The following TRIM48 variants were observed in gnomAD, a reference collection of about 807,000 sequenced individuals.
TRIM48 encodes the protein tripartite motif containing 48.
In TRIM48, 31 loss-of-function variants were observed where a neutral mutation model predicts 29.5. The ratio of observed to expected loss-of-function variants is 1.05; its 90% CI spans 0.79 to 1.42. The LOEUF (loss-of-function observed/expected upper bound fraction) is 1.42. Among genes scored for constraint, TRIM48 ranks in the 40% most tolerant of loss-of-function variants. TRIM48 has a pLI of 0.00. For synonymous variants in TRIM48, 128 were observed against 90.6 expected (o/e 1.41, Z -2.34); for missense variants, 344 against 265.0 (o/e 1.30, Z -2.07).
At chr11:55,264,542 T>C (rs557697304) in intron 1 of TRIM48, among the ~76,000 whole-genome samples, 1 of 147,696 alleles carries the variant, frequency 6.8e-6, no homozygotes, top group South Asian at 2.4e-4. Context: ...TTCACACTCA[T>C]TCGGCAGTCA....
intron 5 of TRIM48, 117 bp downstream of exon 5, chr11:55,269,456 C>G: frequency 7.6e-7 from 1 of 1,317,408 alleles, no homozygotes; most frequent in Admixed American, 2.2e-5. Context: ...CATAAGAGAA[C>G]AATATAATCA....
chr11:55,265,206 G>T lies in TRIM48; in HGVS notation c.351G>T (p.Lys117Asn). The T allele has an allele frequency of 6.3e-7, 1 of 1,582,818 alleles. No homozygotes were observed. Among genetic ancestry groups the T allele is most frequent in the Non-Finnish European group, 8.6e-7 (1 of 1,166,250 alleles). ...GTGGCATTCACAGGGAGACAAAGAA[G>T]ATGTTCTGTGAAGTGGACAGGAGCC... ...QMCGIHRETK[K>N]MFCEVDRSLL... Residue 117 changes from lysine to asparagine, a missense_variant, in exon 2 of 6, where the codon AAG (lysine) becomes AAT (asparagine). By Grantham distance (94) the Lys-to-Asn change is moderately conservative (BLOSUM62 0). Transcript: ENST00000417545.
Position 55,262,196 on chromosome 11 carries a change from T to G in TRIM48, c.-72T>G. On this transcript the variant is annotated 5_prime_UTR_variant, in exon 1 of 6. Transcript: ENST00000417545. ...GAAGGAGTGCACTTAGAGGGAGCTG[T>G]GTTTTGGTGACCTCTGAAACTCAGT... 1 of 1,190,156 alleles carries G rather than the reference T, an allele frequency of 8.4e-7. No individual in the cohort carries two copies. The highest frequency in any genetic ancestry group is 1.2e-6 in the Non-Finnish European group (1 of 819,072). The allele number at this position is 1,190,156 out of a possible 1,614,324, so 73.7% of individuals were successfully genotyped here. A position where few individuals can be genotyped will look rare whatever the true frequency, so the allele number is the denominator to read the frequency against.
In TRIM48 at chr11:55,262,253, G is replaced by A. The variant is rs1441003261; in HGVS notation, c.-15G>A. On this transcript the variant is annotated 5_prime_UTR_variant, in exon 1 of 6. Transcript: ENST00000417545. ...GCGAATGAGCTCCTGACCTTGAGGAGTACTTAACAGAATTATGTCTCGAAG... is the reference window on the plus strand; with the variant it reads ...GCGAATGAGCTCCTGACCTTGAGGAATACTTAACAGAATTATGTCTCGAAG... 1 of 1,548,322 alleles carries A rather than the reference G, an allele frequency of 6.5e-7. No homozygotes were observed. Among genetic ancestry groups the A allele is most frequent in the East Asian group, 2.4e-5 (1 of 40,876 alleles).
intron 1 of TRIM48, among the ~76,000 whole-genome samples, chr11:55,264,183 C>T (rs1381624872): frequency 8.0e-6 from 1 of 124,806 alleles, no homozygotes; most frequent in Non-Finnish European, 1.8e-5. Flanking sequence ...GTTTGGGTAT[C>T]CCTAGGAGAA....
rs777732998 is a variant in TRIM48 at position 55,265,313 on chromosome 11, G to A, written c.458G>A (p.Trp153Ter). 2 of 1,582,174 alleles carry A rather than the reference G, an allele frequency of 1.3e-6. No homozygotes were observed. The highest frequency in any genetic ancestry group is 4.8e-5 in the East Asian group (2 of 41,322). Residue 153 changes from tryptophan (W) to a stop codon, truncating the protein, a stop_gained and splice_region_variant, in exon 2 of 6, where the codon TGG (tryptophan) becomes TAG (stop). Transcript: ENST00000417545. LOFTEE classifies it high-confidence loss of function. ...CPAEWAAEEHWEKLLKKMQSL... is the reference protein window; with the variant it reads ...CPAEWAAEEH The stretch of plus-strand genomic sequence containing the variant: ...GCTGAGTGGGCTGCTGAGGAACACT[G>A]GGTAAGTGATGCCTCTGAAGATCTA...
rs775665691 is a variant in TRIM48 at position 55,270,840 on chromosome 11, C to T, written c.*405C>T. ...TGGATTGTGAAGCTAGAACTGTGAG[C>T]TTCGTTGATGTTAGTCAAAGCTCCC... On this transcript the variant is annotated 3_prime_UTR_variant, in exon 6 of 6. Coordinates refer to ENST00000417545, the MANE Select transcript of TRIM48 (RefSeq NM_024114.5). The T allele has an allele frequency of 1.3e-5, 21 of 1,572,208 alleles. 1 individual carries two copies. The highest frequency in any genetic ancestry group is 1.8e-5 in the Non-Finnish European group (21 of 1,156,422).
chr11:55,270,801 T>C lies in TRIM48; in HGVS notation c.*366T>C, dbSNP rs1237603949. ...AGTATGTCCCAAGACCTACCAACCA[T>C]GTAGAATTATTCCTGGATTGTGAAG... is the stretch of plus-strand genomic sequence containing the variant. On this transcript the variant is annotated 3_prime_UTR_variant, in exon 6 of 6. Coordinates refer to ENST00000417545, the MANE Select transcript of TRIM48 (RefSeq NM_024114.5). 6.5e-5 allele frequency: 103 copies of C among 1,575,134 alleles called. 10 individuals carry two copies. The highest frequency in any genetic ancestry group is 7.7e-5 in the Non-Finnish European group (89 of 1,158,416).
chr11:55,270,030 T>A (rs1309458813), intron 5 of TRIM48, among the ~76,000 whole-genome samples: 1 of 147,820 alleles, frequency 6.8e-6, no homozygotes, highest in Non-Finnish European at 1.5e-5. Context: ...TCTAGAGCAG[T>A]TCTTGAGTAA....
In TRIM48 at chr11:55,270,533, C is replaced by G; in HGVS notation, c.*98C>G. On this transcript the variant is annotated 3_prime_UTR_variant, in exon 6 of 6. Transcript: ENST00000417545. ...ATTGGATGTGACCGTCAAAATCCGC[C>G]CCATATCACTGCAACACCTACAAGT... 2 of 1,581,950 alleles carry G rather than the reference C, an allele frequency of 1.3e-6. No homozygotes were observed. Among genetic ancestry groups the G allele is most frequent in the Non-Finnish European group, 1.7e-6 (2 of 1,165,222 alleles).
chr11:55,269,213 A>G (rs1857438327), intron 4 of TRIM48, 29 bp from the exon 5 acceptor site: 5 of 1,566,726 alleles, frequency 3.2e-6, no homozygotes, highest in Non-Finnish European at 3.4e-6. Flanking sequence ...ATGGCTGTAG[A>G]TGTTGTAACT....
Position 55,269,336 on chromosome 11 carries a change from T to C in TRIM48, c.673T>C (p.Ter225ArgextTer167), listed in dbSNP as rs61894893. The change falls in exon 5 of 6, where the codon TGA (stop) becomes CGA (arginine). Residue 225 changes from the stop codon to arginine (R), a stop_lost. Transcript: ENST00000417545. ...TGLRDRLNQF* is the reference protein window; with the variant it reads ...TGLRDRLNQFR ...ACTGAGGGACAGGCTCAACCAATTC[T>C]GAGGTAAGTCTCCACCCACAGGCAG... 102,380 of 1,573,880 alleles carry C rather than the reference T, an allele frequency of 0.065. 12,903 individuals are homozygous for C. The highest frequency in any genetic ancestry group is 0.071 in the Non-Finnish European group (82,369 of 1,165,410).
Position 55,264,311 on chromosome 11 carries a change from G to T in TRIM48, c.45-589G>T, listed in dbSNP as rs184474905. The stretch of plus-strand genomic sequence containing the variant: ...TATTTGTTTATTTGGTTGGTTGATT[G>T]GTTTTTCTATTTCGCTTTGGATTTG... On this transcript the variant is annotated intron_variant, in intron 1 of 5. Coordinates refer to ENST00000417545, the MANE Select transcript of TRIM48 (RefSeq NM_024114.5). Among the ~76,000 whole-genome samples, 600 of 147,388 alleles carry T rather than the reference G, an allele frequency of 4.1e-3. 44 individuals are homozygous for T. The highest frequency in any genetic ancestry group is 0.014 in the African/African-American group (570 of 40,366).
Position 55,265,746 on chromosome 11 carries a change from G to A in TRIM48, c.555+51G>A, listed in dbSNP as rs1354812952. 7.9e-6 allele frequency: 12 copies of A among 1,525,486 alleles called. 2 individuals carry two copies. Among genetic ancestry groups the A allele is most frequent in the South Asian group, 2.5e-5 (2 of 79,976 alleles). The allele number at this position is 1,525,486 out of a possible 1,614,324, so 94.5% of individuals were successfully genotyped here. On this transcript the variant is annotated intron_variant, in intron 3 of 5. Transcript: ENST00000417545. ...TCCAGGAACTTATGGTGGGCAAATG[G>A]GTGACTCTTAAAATAGGAACTTGAT...
chr11:55,266,723 G>A lies in TRIM48; in HGVS notation c.555+1028G>A, dbSNP rs755066115. The stretch of plus-strand genomic sequence containing the variant: ...CAAAGAGGAAGGGGAGCACAAAAGT[G>A]TGTATGGATATATATGTGGACCATG... On this transcript the variant is annotated intron_variant, in intron 3 of 5. Transcript: ENST00000417545. Among the ~76,000 whole-genome samples, 5 of 147,632 alleles carry A rather than the reference G, an allele frequency of 3.4e-5. 1 individual carries two copies. Among genetic ancestry groups the A allele is most frequent in the Admixed American group, 2.7e-4 (4 of 14,552 alleles).
Position 55,269,459 on chromosome 11 carries a change from T to C in TRIM48, c.*1+120T>C, listed in dbSNP as rs907050611. The C allele has an allele frequency of 1.9e-4, 246 of 1,305,964 alleles. 21 individuals carry two copies. In the African/African-American group the frequency reaches 3.0e-3, roughly 16 times the overall value. 80.9% of individuals were successfully genotyped at this position (1,305,964 alleles called of 1,614,324 possible). ...CTACTTTATAAGCATAAGAGAACAA[T>C]ATAATCATGCAACCCTTTTGTATCT... is the stretch of plus-strand genomic sequence containing the variant. On this transcript the variant is annotated intron_variant, in intron 5 of 5. Coordinates refer to ENST00000417545, the MANE Select transcript of TRIM48 (RefSeq NM_024114.5).
chr11:55,269,404 G>T, intron 5 of TRIM48, 65 bp downstream of exon 5: 3 of 1,524,702 alleles, frequency 2.0e-6, no homozygotes, highest in Non-Finnish European at 2.6e-6. Context: ...GATCACATAG[G>T]TAATATTTCA....
intron 2 of TRIM48, 116 bp from the exon 3 acceptor site, chr11:55,265,484 G>T (rs1857378442): frequency 2.0e-6 from 3 of 1,480,356 alleles, no homozygotes; most frequent in Non-Finnish European, 2.7e-6. Flanking sequence ...TGAAACAGAA[G>T]AAATGCCATT....
chr11:55,262,762 G>A (rs1857324064), intron 1 of TRIM48, among the ~76,000 whole-genome samples: 1 of 151,792 alleles, frequency 6.6e-6, no homozygotes, highest in African/African-American at 2.4e-5. Flanking sequence ...AAATGAGAAA[G>A]CTCCCCAAAA....
Sources: allele counts gnomAD v4.1 joint callset (sites outside exome capture counted in the v4.1 genomes callset), GRCh38; gene constraint gnomAD v4.1.1; transcripts MANE v1.5; gene names NCBI Gene and HGNC (gene_info 2026-07-23, HGNC 2026-07-21).